The following XKR4 variants were observed in gnomAD, a reference collection of about 807,000 sequenced individuals.
The protein encoded by XKR4 is XK related 4, also known as XK-related protein 4.
A neutral mutation model predicts 53.9 loss-of-function variants in XKR4; 12 were observed. The ratio of observed to expected loss-of-function variants is 0.22; its 90% confidence interval spans 0.14 to 0.36. XKR4 has a LOEUF of 0.36. Ranked by LOEUF, XKR4 falls within the 10% of genes least tolerant of loss-of-function variation. The pLI, the probability that XKR4 is intolerant of heterozygous loss-of-function variation, is 1.00. For synonymous variants in XKR4, 354 were observed against 362.4 expected (o/e 0.98, Z 0.26); for missense variants, 799 against 859.5 (o/e 0.93, Z 0.88).
chr8:55,322,036 T>C (rs1677785108), intron 1 of XKR4, among the ~76,000 whole-genome samples: 1 of 152,072 alleles, frequency 6.6e-6, no homozygotes, highest in African/African-American at 2.4e-5. Flanking sequence ...TTTACAATCT[T>C]TGACATCCTT....
chr8:55,137,753 G>A (rs146210385), intron 1 of XKR4, among the ~76,000 whole-genome samples: 117 of 151,362 alleles, frequency 7.7e-4, no homozygotes, highest in African/African-American at 2.7e-3. Flanking sequence ...TATTTTTTTT[G>A]TAGAAACAAG....
At chr8:55,303,398 C>T (rs1297863044) in intron 1 of XKR4, among the ~76,000 whole-genome samples, 6 of 152,106 alleles carry the variant, frequency 3.9e-5, no homozygotes, top group Non-Finnish European at 5.9e-5. Context: ...ATTCGGTTTG[C>T]CAGTATTTTA....
chr8:55,463,951 CA>C (rs1401360562), intron 2 of XKR4, among the ~76,000 whole-genome samples: 1 of 152,026 alleles, frequency 6.6e-6, no homozygotes, highest in Non-Finnish European at 1.5e-5. Context: ...CTGAATAGAC[CA>C]ATAACAGGCT....
Position 55,532,995 on chromosome 8 carries a change from A to C in XKR4, c.*8768A>C, listed in dbSNP as rs1270824164. 1 of 152,168 alleles carries C rather than the reference A, an allele frequency of 6.6e-6. No homozygotes were observed. The highest frequency in any genetic ancestry group is 1.9e-4 in the East Asian group (1 of 5,204). The allele number at this position is 152,168 out of a possible 1,614,324, so 9.4% of individuals were successfully genotyped here. The stretch of plus-strand genomic sequence containing the variant: ...GTGGTTAAGCTAATTTAATTTACCT[A>C]TTCTAGTGGCATTCTGGTATGGAGC... On this transcript the variant is annotated 3_prime_UTR_variant, in exon 3 of 3. Transcript: ENST00000327381.
At chr8:55,142,396 CCTT>C (rs1421785622) in intron 1 of XKR4, 1 of 283,716 alleles carries the variant, frequency 3.5e-6, no homozygotes, top group Non-Finnish European at 7.1e-6. Flanking sequence ...CGTTGGCGCT[CCTT>C]AAGTTGTCTG....
chr8:55,346,666 A>G (rs976260371), intron 1 of XKR4, among the ~76,000 whole-genome samples: 5 of 147,900 alleles, frequency 3.4e-5, no homozygotes, highest in South Asian at 2.2e-4. Context: ...AGTAACAAAA[A>G]CAGAAACCTG....
At chr8:55,141,020 T>G (rs1316709976) in intron 1 of XKR4, among the ~76,000 whole-genome samples, 3 of 152,146 alleles carry the variant, frequency 2.0e-5, no homozygotes, top group Non-Finnish European at 4.4e-5. Context: ...TTTCAGTACT[T>G]TTAGTATGTC....
At chr8:55,472,227 G>A (rs1805896862) in intron 2 of XKR4, among the ~76,000 whole-genome samples, 1 of 152,026 alleles carries the variant, frequency 6.6e-6, no homozygotes, top group South Asian at 2.1e-4. Flanking sequence ...GGAATGGAGG[G>A]GATAGGTAGC....
chr8:55,227,891 T>C (rs1432777944), intron 1 of XKR4, among the ~76,000 whole-genome samples: 1 of 152,172 alleles, frequency 6.6e-6, no homozygotes, highest in East Asian at 1.9e-4. Flanking sequence ...TGCCACATAA[T>C]ATCATTACCG....
intron 2 of XKR4, among the ~76,000 whole-genome samples, chr8:55,397,351 G>C (rs1336482621): frequency 6.6e-6 from 1 of 152,142 alleles, no homozygotes; most frequent in Non-Finnish European, 1.5e-5. Flanking sequence ...ACAATGCAGG[G>C]AAAGCCAGAG....
At chr8:55,285,130 A>G (rs896911046) in intron 1 of XKR4, among the ~76,000 whole-genome samples, 2 of 152,226 alleles carry the variant, frequency 1.3e-5, no homozygotes, top group Non-Finnish European at 2.9e-5. Flanking sequence ...TAAGGGCTTT[A>G]CTACTTGCTA....
chr8:55,181,003 A>G (rs1817302915), intron 1 of XKR4, among the ~76,000 whole-genome samples: 1 of 152,220 alleles, frequency 6.6e-6, no homozygotes, highest in Non-Finnish European at 1.5e-5. Flanking sequence ...ATGCAAATTG[A>G]TTGAGGAATC....
In XKR4 at chr8:55,530,849, A is replaced by T. The variant is rs1454074407; in HGVS notation, c.*6622A>T. On this transcript the variant is annotated 3_prime_UTR_variant, in exon 3 of 3. Coordinates refer to ENST00000327381, the MANE Select transcript of XKR4 (RefSeq NM_052898.2). Reference sequence around the variant, plus strand: ...ACAGGTAATTTTTGTGATCAGGATTACACAATACACTTTTTTTTTTCCCTG... The same window carrying T: ...ACAGGTAATTTTTGTGATCAGGATTTCACAATACACTTTTTTTTTTCCCTG... 1 of 152,140 alleles carries T rather than the reference A, an allele frequency of 6.6e-6. No homozygotes were observed. Among genetic ancestry groups the T allele is most frequent in the African/African-American group, 2.4e-5 (1 of 41,402 alleles). 9.4% of individuals were successfully genotyped at this position (152,140 alleles called of 1,614,324 possible). A position where few individuals can be genotyped will look rare whatever the true frequency, so the allele number is the denominator to read the frequency against.
intron 1 of XKR4, among the ~76,000 whole-genome samples, chr8:55,167,129 C>T (rs557724200): frequency 1.3e-5 from 2 of 152,148 alleles, no homozygotes; most frequent in Admixed American, 6.5e-5. Flanking sequence ...GGAAGGAAGA[C>T]AGTTGAATTG....
intron 1 of XKR4, among the ~76,000 whole-genome samples, chr8:55,276,343 C>T (rs1294566286): frequency 2.0e-5 from 3 of 152,160 alleles, no homozygotes; most frequent in African/African-American, 7.2e-5. Flanking sequence ...AGATTTTGGA[C>T]AAAATTATTC....
At chr8:55,339,884 A>C (rs1803516079) in intron 1 of XKR4, among the ~76,000 whole-genome samples, 2 of 152,224 alleles carry the variant, frequency 1.3e-5, no homozygotes, top group South Asian at 4.1e-4. Flanking sequence ...AACAACAACA[A>C]AAATGCTATT....
chr8:55,118,878 C>A (rs765963171), intron 1 of XKR4, among the ~76,000 whole-genome samples: 1 of 151,940 alleles, frequency 6.6e-6, no homozygotes, highest in Non-Finnish European at 1.5e-5. Flanking sequence ...GTTCATGGCA[C>A]AAAAATTTGT....
intron 1 of XKR4, among the ~76,000 whole-genome samples, chr8:55,129,741 A>G (rs1468264336): frequency 1.3e-5 from 2 of 152,290 alleles, no homozygotes; most frequent in East Asian, 1.9e-4. Context: ...AGTCTGGAAC[A>G]TGTTTGAATA....
At chr8:55,226,729 C>T (rs1229347852) in intron 1 of XKR4, among the ~76,000 whole-genome samples, 1 of 152,152 alleles carries the variant, frequency 6.6e-6, no homozygotes, top group African/African-American at 2.4e-5. Flanking sequence ...TGTTCTTGCC[C>T]AGACTGCTGA....
Sources: gnomAD v4.1 joint callset for allele counts (sites outside exome capture counted in the v4.1 genomes callset) on GRCh38, gnomAD v4.1.1 for gene constraint, MANE v1.5 for transcripts, NCBI Gene and HGNC (gene_info 2026-07-23, HGNC 2026-07-21) for gene names.